The following UQCRC2 variants were observed in gnomAD, a reference collection of about 807,000 sequenced individuals.
The protein encoded by UQCRC2 is cytochrome b-c1 complex subunit 2, mitochondrial.
Under a neutral mutation model 55.6 loss-of-function variants are expected in UQCRC2, and 49 were observed. The observed-to-expected ratio is 0.88, with a 90% confidence interval of 0.70 to 1.12. The LOEUF (loss-of-function observed/expected upper bound fraction) is 1.12, where lower values mean the gene tolerates loss of function less well. UQCRC2 is among the 50% of genes most tolerant of loss of function. The pLI is 0.00. For missense variants in UQCRC2, 506 were observed against 547.8 expected (o/e 0.92, Z 0.76); for synonymous variants, 193 against 192.0 (o/e 1.01, Z -0.04).
In UQCRC2 at chr16:21,983,387, G is replaced by A; in HGVS notation, c.*216G>A. ...TTTTTCTCAATGAGTTAATCAACAA[G>A]TATTTATTATGTGCTGATATCTTTG... On this transcript the variant is annotated 3_prime_UTR_variant, in exon 14 of 14. Transcript: ENST00000268379. 1 of 520,934 alleles carries A rather than the reference G, an allele frequency of 1.9e-6. No homozygotes were observed. Among genetic ancestry groups the A allele is most frequent in the Admixed American group, 3.7e-5 (1 of 27,274 alleles). 32.3% of individuals were successfully genotyped at this position (520,934 alleles called of 1,614,324 possible).
chr16:21,980,660 T>G lies in UQCRC2; in HGVS notation c.1238T>G (p.Leu413Arg). 1 of 1,614,156 alleles carries G rather than the reference T, an allele frequency of 6.2e-7. No homozygotes were observed. Among genetic ancestry groups the G allele is most frequent in the Admixed American group, 1.7e-5 (1 of 60,018 alleles). ...AGSYMPPSTVLQQIDSVANAD... is the reference protein window; with the variant it reads ...AGSYMPPSTVRQQIDSVANAD... ...TCTTACATGCCACCATCCACAGTCC[T>G]TCAGCAGATTGATTCAGTGGCTAAT... The change falls in exon 13 of 14, where the codon CTT becomes CGT. Residue 413 changes from leucine (L) to arginine (R), a missense_variant. Transcript: ENST00000268379.
chr16:21,973,834 A>C, intron 10 of UQCRC2, 62 bp from the exon 11 acceptor site: 1 of 1,507,404 alleles, frequency 6.6e-7, no homozygotes, highest in Non-Finnish European at 9.1e-7. Flanking sequence ...GGCAAACTTA[A>C]AGAAATCGTG....
rs544938437 is a variant in UQCRC2, at chr16:21,956,115, G to A, written c.34-1120G>A. On this transcript the variant is annotated intron_variant, in intron 1 of 13. Transcript: ENST00000268379. ...GCTGGGATTACAGGCGTGAGCCACC[G>A]CACCCGGCTAGTTTGTCTTTTTTAA... Among the ~76,000 whole-genome samples the A allele has an allele frequency of 2.4e-4, 36 of 151,988 alleles. 1 individual carries two copies. Among genetic ancestry groups the A allele is most frequent in the Non-Finnish European group, 3.2e-4 (22 of 67,964 alleles).
At chr16:21,958,437 T>C (rs1898128005) in intron 3 of UQCRC2, 98 bp from the exon 4 acceptor site, 14 of 1,065,504 alleles carry the variant, frequency 1.3e-5, no homozygotes, top group Non-Finnish European at 2.0e-5. Flanking sequence ...TTAGTAAAAT[T>C]CTTTTTAAAT....
chr16:21,962,534 T>A lies in UQCRC2; in HGVS notation c.389+18T>A, dbSNP rs763111546. 1 of 1,614,114 alleles carries A rather than the reference T, an allele frequency of 6.2e-7. No homozygotes were observed. The highest frequency in any genetic ancestry group is 8.5e-7 in the Non-Finnish European group (1 of 1,179,992). The stretch of plus-strand genomic sequence containing the variant: ...GGTGATGTGTAAGTACCTGTGTGTG[T>A]TTAGGACTTCTGCTTTGAAAGAAAT... On this transcript the variant is annotated intron_variant, in intron 5 of 13. Coordinates refer to ENST00000268379, the MANE Select transcript of UQCRC2 (RefSeq NM_003366.4).
At chr16:21,980,501 T>C in intron 12 of UQCRC2, 46 bp from the exon 13 acceptor site, 5 of 1,578,646 alleles carry the variant, frequency 3.2e-6, no homozygotes, top group Non-Finnish European at 4.3e-6. Context: ...AAAAAAAAAA[T>C]AATTGCCTTG....
Position 21,957,249 on chromosome 16 carries a change from C to G in UQCRC2, c.48C>G (p.Leu16=). Residue 16 remains leucine (L), a synonymous_variant, in exon 2 of 14, where the codon CTC becomes CTG. Transcript: ENST00000268379. ...TTTATGTTTAGAGATTTTATTCCCT[C>G]AAAGTTGCCCCCAAAGTTAAAGCCA... ...RAGSFSRFYS[L]KVAPKVKATA... 5 of 1,613,788 alleles carry G rather than the reference C, an allele frequency of 3.1e-6. No individual in the cohort carries two copies. Among genetic ancestry groups the G allele is most frequent in the Non-Finnish European group, 4.2e-6 (5 of 1,179,866 alleles).
chr16:21,969,863 A>G (rs1389169588), intron 8 of UQCRC2, among the ~76,000 whole-genome samples: 1 of 147,944 alleles, frequency 6.8e-6, no homozygotes, highest in Non-Finnish European at 1.5e-5. Context: ...CCACTAATCT[A>G]CTTTGTTTTT....
At chr16:21,958,206 A>G (rs1386768977) in intron 3 of UQCRC2, among the ~76,000 whole-genome samples, 1 of 152,232 alleles carries the variant, frequency 6.6e-6, no homozygotes, top group Non-Finnish European at 1.5e-5. Flanking sequence ...TTAGAGCATA[A>G]GAAATCAGTA....
chr16:21,956,138 T>A (rs889669235), intron 1 of UQCRC2, among the ~76,000 whole-genome samples: 1 of 152,216 alleles, frequency 6.6e-6, no homozygotes, highest in African/African-American at 2.4e-5. Context: ...TTGTCTTTTT[T>A]AAAGGTTACT....
chr16:21,973,830 CT>C (rs1898518971), intron 10 of UQCRC2, 65 bp from the exon 11 acceptor site: 2 of 1,487,182 alleles, frequency 1.3e-6, no homozygotes, highest in Non-Finnish European at 1.8e-6. Context: ...TCTAGGCAAA[CT>C]TAAAGAAATC....
At chr16:21,977,766 C>T (rs1898621261) in intron 12 of UQCRC2, among the ~76,000 whole-genome samples, 1 of 152,166 alleles carries the variant, frequency 6.6e-6, no homozygotes, top group Middle Eastern at 3.2e-3. Flanking sequence ...TAGTATTGCC[C>T]ACAGGGGAAG....
At chr16:21,958,403 C>T (rs1452805939) in intron 3 of UQCRC2, 132 bp from the exon 4 acceptor site, 2 of 774,978 alleles carry the variant, frequency 2.6e-6, no homozygotes, top group Non-Finnish European at 4.3e-6. Context: ...TTTTATAATT[C>T]TTAACTAAAA....
chr16:21,967,460 C>G lies in UQCRC2; in HGVS notation c.613-1168C>G, dbSNP rs575382424. Among the ~76,000 whole-genome samples the G allele has an allele frequency of 9.2e-5, 14 of 151,746 alleles. No individual in the cohort carries two copies. The South Asian group carries it at 2.7e-3, about 29-fold the overall frequency. On this transcript the variant is annotated intron_variant, in intron 7 of 13. Transcript: ENST00000268379. ...AAGTTTTTTTTTTTTCTTAGTTACCCCAAACCAATTTTCACCCATCTGGAA... is the reference window on the plus strand; with the variant it reads ...AAGTTTTTTTTTTTTCTTAGTTACCGCAAACCAATTTTCACCCATCTGGAA...
chr16:21,962,600 G>A (rs921009699), intron 5 of UQCRC2, 84 bp downstream of exon 5: 18 of 1,598,124 alleles, frequency 1.1e-5, no homozygotes, highest in Non-Finnish European at 1.5e-5. Flanking sequence ...GCGTCATTAT[G>A]ACCTCTGACT....
At chr16:21,955,395 A>T (rs563126807) in intron 1 of UQCRC2, among the ~76,000 whole-genome samples, 15 of 152,340 alleles carry the variant, frequency 9.8e-5, no homozygotes, top group African/African-American at 3.6e-4. Flanking sequence ...CACAGAGTGG[A>T]GGCATTGCAG....
intron 4 of UQCRC2, among the ~76,000 whole-genome samples, chr16:21,961,626 T>TTATATATATATA (rs67999727): frequency 0.022 from 1,384 of 64,052 alleles, 81 homozygotes; most frequent in Non-Finnish European, 0.04. Context: ...AACATAAAAT[T>TTATATATATATA]TATATATATA....
chr16:21,983,315 G>A lies in UQCRC2; in HGVS notation c.*144G>A. ...GCATAAATGCAGGTAATTATTCCCA[G>A]CTGACCTAAAGTCAATAAAACATTC... On this transcript the variant is annotated 3_prime_UTR_variant, in exon 14 of 14. Coordinates refer to ENST00000268379, the MANE Select transcript of UQCRC2 (RefSeq NM_003366.4). 1 of 666,142 alleles carries A rather than the reference G, an allele frequency of 1.5e-6. No individual in the cohort carries two copies. The highest frequency in any genetic ancestry group is 2.5e-6 in the Non-Finnish European group (1 of 402,476). 41.3% of individuals were successfully genotyped at this position (666,142 alleles called of 1,614,324 possible). A position where few individuals can be genotyped will look rare whatever the true frequency, so the allele number is the denominator to read the frequency against.
At chr16:21,956,178 A>G (rs562005287) in intron 1 of UQCRC2, among the ~76,000 whole-genome samples, 21 of 152,306 alleles carry the variant, frequency 1.4e-4, no homozygotes, top group Admixed American at 7.2e-4. Context: ...AACCATTTCA[A>G]TTGGAAATTA....
Sources: allele counts gnomAD v4.1 joint callset (sites outside exome capture counted in the v4.1 genomes callset), GRCh38; gene constraint gnomAD v4.1.1; transcripts MANE v1.5; gene names NCBI Gene and HGNC (gene_info 2026-07-23, HGNC 2026-07-21).